Variants in CPLX2 observed in about 807,000 individuals in gnomAD.
CPLX2 encodes complexin-2.
Under a neutral mutation model 16.3 loss-of-function variants are expected in CPLX2, and 5 were observed. That is an observed-to-expected ratio of 0.31 (90% confidence interval 0.16 to 0.64). The LOEUF (loss-of-function observed/expected upper bound fraction) is 0.64, where lower values mean the gene tolerates loss of function less well. Among genes scored for constraint, CPLX2 ranks in the 30% least tolerant of loss-of-function variants. The probability of loss-of-function intolerance (pLI) is 0.79; values close to 1 mark genes in which losing one functional copy is unlikely to be tolerated. For synonymous variants in CPLX2, 89 were observed against 73.2 expected, an observed-to-expected ratio of 1.22 and a Z score of -1.10; for missense variants, 144 against 181.4, an observed-to-expected ratio of 0.79 and a Z score of 1.18.
intron 2 of CPLX2, among the ~76,000 whole-genome samples, chr5:175,817,769 G>A (rs899299278): frequency 2.0e-5 from 3 of 152,192 alleles, no homozygotes; most frequent in Non-Finnish European, 4.4e-5. Context: ...AGGAGGTGAG[G>A]GGATCAGGGT....
intron 2 of CPLX2, among the ~76,000 whole-genome samples, chr5:175,860,546 T>A (rs200421616): frequency 1.4e-3 from 70 of 50,224 alleles, no homozygotes; most frequent in African/African-American, 5.1e-3. Context: ...GAAAGATAGA[T>A]AGAAAGAAAG....
intron 2 of CPLX2, among the ~76,000 whole-genome samples, chr5:175,822,535 C>A (rs905635622): frequency 6.6e-6 from 1 of 152,242 alleles, no homozygotes; most frequent in Non-Finnish European, 1.5e-5. Flanking sequence ...AAACCCAACT[C>A]AAGATGGCCT....
chr5:175,806,437 T>G (rs926567446), intron 1 of CPLX2, among the ~76,000 whole-genome samples: 4 of 152,014 alleles, frequency 2.6e-5, no homozygotes, highest in Non-Finnish European at 5.9e-5. Context: ...TTAGAGGGGG[T>G]GACACACTGT....
At chr5:175,819,554 A>G (rs539664836) in intron 2 of CPLX2, among the ~76,000 whole-genome samples, 1 of 152,268 alleles carries the variant, frequency 6.6e-6, no homozygotes, top group South Asian at 2.1e-4. Flanking sequence ...CAAAGTGTCT[A>G]TTCAAGGCTC....
chr5:175,846,164 G>A (rs1759039749), intron 2 of CPLX2, among the ~76,000 whole-genome samples: 1 of 152,144 alleles, frequency 6.6e-6, no homozygotes, highest in Non-Finnish European at 1.5e-5. Flanking sequence ...TCCTCCCCAA[G>A]GGTGGGGGTG....
intron 2 of CPLX2, among the ~76,000 whole-genome samples, chr5:175,859,412 A>T (rs1028942529): frequency 2.6e-5 from 4 of 152,220 alleles, no homozygotes; most frequent in African/African-American, 9.6e-5. Context: ...TATCGAGAAG[A>T]TCTGAGGAAG....
rs1232900732 is a variant in CPLX2 at position 175,809,473 on chromosome 5, G to A, written c.-89+405G>A. On this transcript the variant is annotated intron_variant, in intron 2 of 4. Transcript: ENST00000359546. The surrounding 1 kb of genome is among the most constrained non-coding windows in gnomAD (Gnocchi z 4.4). ...TGCACATTGTAGGTGCTTGGTACAT[G>A]TTTGATGAATGAATGAATGAACTGA... The A allele has an allele frequency of 6.6e-6, 1 of 152,238 alleles. No homozygotes were observed. The highest frequency in any genetic ancestry group is 1.5e-5 in the Non-Finnish European group (1 of 68,058). 9.4% of individuals were successfully genotyped at this position (152,238 alleles called of 1,614,324 possible).
intron 2 of CPLX2, among the ~76,000 whole-genome samples, chr5:175,834,754 G>A (rs1323245733): frequency 2.0e-5 from 3 of 152,162 alleles, no homozygotes; most frequent in South Asian, 4.1e-4. Context: ...GGAGTCTGTA[G>A]TCCCAGCTAC....
chr5:175,848,347 C>A (rs191627621), intron 2 of CPLX2, among the ~76,000 whole-genome samples: 11 of 152,256 alleles, frequency 7.2e-5, no homozygotes, highest in Admixed American at 2.6e-4. Context: ...CTGGACCAAG[C>A]GATGCTGAGC....
At chr5:175,843,413 T>C (rs1273853475) in intron 2 of CPLX2, among the ~76,000 whole-genome samples, 1 of 152,202 alleles carries the variant, frequency 6.6e-6, no homozygotes, top group Non-Finnish European at 1.5e-5. Flanking sequence ...GCGCTGTGCA[T>C]GCCTAGGCAC....
At chr5:175,820,078 A>T (rs1467161659) in intron 2 of CPLX2, among the ~76,000 whole-genome samples, 1 of 152,146 alleles carries the variant, frequency 6.6e-6, no homozygotes, top group South Asian at 2.1e-4. Flanking sequence ...CCCCAGCCTG[A>T]GACTGTGTTG....
intron 2 of CPLX2, among the ~76,000 whole-genome samples, chr5:175,857,767 T>C (rs1467348510): frequency 2.0e-5 from 3 of 152,190 alleles, no homozygotes; most frequent in African/African-American, 4.8e-5. Flanking sequence ...TATCTGTTAA[T>C]TGCCTGTCCA....
chr5:175,874,471 A>G (rs1759712036), intron 1 of CPLX2, among the ~76,000 whole-genome samples: 1 of 152,184 alleles, frequency 6.6e-6, no homozygotes, highest in Non-Finnish European at 1.5e-5. Context: ...CACCCAGAAC[A>G]GTGTCTGGCA....
chr5:175,815,682 CTAAGA>C (rs1039393443), intron 2 of CPLX2, among the ~76,000 whole-genome samples: 2 of 152,372 alleles, frequency 1.3e-5, no homozygotes, highest in Admixed American at 6.5e-5. Context: ...TCCACTACAA[CTAAGA>C]TGAGACATCA....
intron 1 of CPLX2, among the ~76,000 whole-genome samples, chr5:175,799,855 T>C (rs1758060581): frequency 6.6e-6 from 1 of 151,938 alleles, no homozygotes. Flanking sequence ...ACTTTCTAAG[T>C]AACTTGATCT....
At chr5:175,838,535 C>T (rs997530513) in intron 2 of CPLX2, among the ~76,000 whole-genome samples, 7 of 152,188 alleles carry the variant, frequency 4.6e-5, no homozygotes, top group East Asian at 1.9e-4. Context: ...CCCAAAAGTG[C>T]GCGTGAGCCA....
intron 2 of CPLX2, among the ~76,000 whole-genome samples, chr5:175,818,823 A>G (rs1274045724): frequency 6.6e-6 from 1 of 151,760 alleles, no homozygotes; most frequent in African/African-American, 2.4e-5. Context: ...CACTATGCCC[A>G]GCTAATTTTG....
chr5:175,877,090 C>A (rs1452746394), intron 1 of CPLX2, among the ~76,000 whole-genome samples: 2 of 152,168 alleles, frequency 1.3e-5, no homozygotes, highest in African/African-American at 2.4e-5. Flanking sequence ...TCAAGGGCAA[C>A]CTTAATACTC....
chr5:175,871,462 A>AGAGAGAGAGAAAGAGAGAGAGAGAGAGG (rs1759610784), upstream of CPLX2: 1 of 136,238 alleles, frequency 7.3e-6, no homozygotes, highest in East Asian at 2.2e-4. Flanking sequence ...AGAGAGAGAG[A>AGAGAGAGAGAAAGAGAGAGAGAGAGAGG]GAGAGAGAGA....
Sources: allele counts gnomAD v4.1 joint callset (sites outside exome capture counted in the v4.1 genomes callset), GRCh38; gene constraint gnomAD v4.1.1; non-coding constraint Gnocchi (gnomAD v3.1); transcripts MANE v1.5; gene names NCBI Gene and HGNC (gene_info 2026-07-23, HGNC 2026-07-21).